Variants in PDE1A observed in about 807,000 individuals in gnomAD.
PDE1A encodes dual specificity calcium/calmodulin-dependent 3',5'-cyclic nucleotide phosphodiesterase 1A.
Under a neutral mutation model 61.7 loss-of-function variants are expected in PDE1A, and 35 were observed. The observed-to-expected ratio is 0.57, with a 90% CI of 0.43 to 0.75. The LOEUF (loss-of-function observed/expected upper bound fraction) is 0.75, where lower values mean the gene tolerates loss of function less well. Ranked by LOEUF, PDE1A falls within the 30% of genes least tolerant of loss-of-function variation. The pLI is 0.00. For missense variants in PDE1A, 597 were observed against 630.6 expected, an observed-to-expected ratio of 0.95 and a Z score of 0.57; for synonymous variants, 232 against 213.2, an observed-to-expected ratio of 1.09 and a Z score of -0.77.
intron 1 of PDE1A, among the ~76,000 whole-genome samples, chr2:182,279,102 A>C (rs760553586): frequency 5.9e-5 from 9 of 151,988 alleles, no homozygotes; most frequent in Non-Finnish European, 2.9e-5. Flanking sequence ...GTATAATGAA[A>C]ATAGGGCATA....
intron 1 of PDE1A, among the ~76,000 whole-genome samples, chr2:182,375,784 G>T (rs982499996): frequency 2.0e-5 from 3 of 152,224 alleles, no homozygotes; most frequent in Admixed American, 6.5e-5. Context: ...GCAAACTTCT[G>T]CCTGGGCATC....
At chr2:182,264,257 G>A (rs746987904) in intron 2 of PDE1A, 44 bp downstream of exon 2, 2 of 1,311,332 alleles carry the variant, frequency 1.5e-6, no homozygotes, top group Admixed American at 3.7e-5. Flanking sequence ...AAGAAAAACG[G>A]GAGAGAATCA....
At chr2:182,179,700 G>A (rs975839998) in intron 13 of PDE1A, among the ~76,000 whole-genome samples, 8 of 151,510 alleles carry the variant, frequency 5.3e-5, no homozygotes, top group African/African-American at 1.2e-4. Context: ...TCCCTCTTGC[G>A]CTCTGTCTCT....
At chr2:182,559,257 C>A in the PDE1A span, among the ~76,000 whole-genome samples, 1 of 151,950 alleles carries the variant, frequency 6.6e-6, no homozygotes, top group Non-Finnish European at 1.5e-5. Flanking sequence ...ATCTGGAATC[C>A]AGAGAACAAG....
At chr2:182,383,223 T>C (rs1369989022) in intron 1 of PDE1A, among the ~76,000 whole-genome samples, 1 of 152,208 alleles carries the variant, frequency 6.6e-6, no homozygotes, top group Non-Finnish European at 1.5e-5. Flanking sequence ...CAAGACATAT[T>C]TAAAGTCCTT....
intron 7 of PDE1A, among the ~76,000 whole-genome samples, chr2:182,207,403 G>C (rs1019181429): frequency 6.6e-6 from 1 of 152,154 alleles, no homozygotes; most frequent in Non-Finnish European, 1.5e-5. Flanking sequence ...AGAAATCTGT[G>C]GAATTTTGAA....
chr2:182,214,501 T>G (rs1415519807), intron 7 of PDE1A, among the ~76,000 whole-genome samples: 2 of 151,956 alleles, frequency 1.3e-5, no homozygotes, highest in Admixed American at 6.6e-5. Flanking sequence ...CCCATCAGTG[T>G]GAGGTATTCA....
At chr2:182,351,289 G>A (rs992534211) in intron 1 of PDE1A, among the ~76,000 whole-genome samples, 7 of 152,146 alleles carry the variant, frequency 4.6e-5, no homozygotes, top group Non-Finnish European at 1.0e-4. Context: ...TTAAATAGAT[G>A]TAAATGTGGA....
chr2:182,170,278 G>A (rs866425690), intron 13 of PDE1A, among the ~76,000 whole-genome samples: 6 of 152,146 alleles, frequency 3.9e-5, no homozygotes, highest in Middle Eastern at 3.4e-3. Context: ...TCCTTGTAGA[G>A]TTAGCTGTAA....
At chr2:182,320,584 T>C (rs1220877154) in intron 1 of PDE1A, among the ~76,000 whole-genome samples, 1 of 152,192 alleles carries the variant, frequency 6.6e-6, no homozygotes, top group African/African-American at 2.4e-5. Context: ...TGTAAGTATA[T>C]ATTAGCAATA....
the PDE1A span, among the ~76,000 whole-genome samples, chr2:182,629,685 T>C: frequency 6.6e-6 from 1 of 152,196 alleles, no homozygotes; most frequent in African/African-American, 2.4e-5. Flanking sequence ...TTGTTTCCAG[T>C]TCTTATAATC....
the PDE1A span, among the ~76,000 whole-genome samples, chr2:182,701,210 T>C: frequency 2.0e-5 from 3 of 150,740 alleles, no homozygotes; most frequent in African/African-American, 4.9e-5. Context: ...AATTTTTTTG[T>C]ATTTTTAGTA....
At chr2:182,709,222 A>G in the PDE1A span, among the ~76,000 whole-genome samples, 1 of 152,098 alleles carries the variant, frequency 6.6e-6, no homozygotes, top group African/African-American at 2.4e-5. Flanking sequence ...TTCTCCTCTA[A>G]GCACTTCAGC....
intron 1 of PDE1A, among the ~76,000 whole-genome samples, chr2:182,292,814 T>A (rs777237632): frequency 6.6e-6 from 1 of 152,078 alleles, no homozygotes; most frequent in African/African-American, 2.4e-5. Context: ...CCAGTGGTTA[T>A]AATAATATGC....
At chr2:182,434,880 A>G (rs961989136) in intron 2 of PDE1A, among the ~76,000 whole-genome samples, 1 of 152,100 alleles carries the variant, frequency 6.6e-6, no homozygotes, top group African/African-American at 2.4e-5. Flanking sequence ...TTATTTTCTT[A>G]GATTAATTAA....
At chr2:182,385,674 G>GAAAGAAGAAA (rs1701003195) in intron 1 of PDE1A, among the ~76,000 whole-genome samples, 2 of 115,280 alleles carry the variant, frequency 1.7e-5, no homozygotes, top group African/African-American at 6.7e-5. Context: ...AAAAAAGAAA[G>GAAAGAAGAAA]AAAAGAAAGA....
At chr2:182,158,573 G>C (rs1691217713) in intron 13 of PDE1A, among the ~76,000 whole-genome samples, 1 of 152,170 alleles carries the variant, frequency 6.6e-6, no homozygotes, top group Non-Finnish European at 1.5e-5. Flanking sequence ...CCCATGTCCA[G>C]AGTGATGAGT....
intron 2 of PDE1A, among the ~76,000 whole-genome samples, chr2:182,467,978 C>T (rs1208459770): frequency 1.3e-5 from 2 of 151,928 alleles, no homozygotes; most frequent in Non-Finnish European, 2.9e-5. Context: ...AACATAGATA[C>T]CTTAATTTAA....
intron 10 of PDE1A, among the ~76,000 whole-genome samples, chr2:182,197,368 T>C (rs113730379): frequency 0.17 from 26,214 of 151,524 alleles, 2,392 homozygotes; most frequent in East Asian, 0.31. Flanking sequence ...ATTTTCTTAG[T>C]AGTGCCTTTG....
Sources: allele counts gnomAD v4.1 joint callset (sites outside exome capture counted in the v4.1 genomes callset), GRCh38; gene constraint gnomAD v4.1.1; transcripts MANE v1.5; gene names NCBI Gene and HGNC (gene_info 2026-07-23, HGNC 2026-07-21).